KAT2B: variants seen among roughly 807,000 people sequenced by gnomAD.
KAT2B encodes lysine acetyltransferase 2B.
A neutral mutation model predicts 105.9 loss-of-function variants in KAT2B; 36 were observed. That is an observed-to-expected ratio of 0.34 (90% confidence interval 0.26 to 0.45). The LOEUF (loss-of-function observed/expected upper bound fraction) is 0.45, where lower values mean the gene tolerates loss of function less well. Among genes scored for constraint, KAT2B ranks in the 20% least tolerant of loss-of-function variants. The pLI is 1.00. For synonymous variants in KAT2B, 397 were observed against 377.9 expected (o/e 1.05, Z -0.59); for missense variants, 820 against 1,021.6 (o/e 0.80, Z 2.69).
intron 5 of KAT2B, 60 bp downstream of exon 5, chr3:20,101,528 G>T: frequency 1.4e-6 from 2 of 1,402,758 alleles, no homozygotes; most frequent in Non-Finnish European, 2.0e-6. Flanking sequence ...ACCTAAAATT[G>T]TACTTGACTC....
chr3:20,097,565 C>G (rs1698832938), intron 3 of KAT2B, among the ~76,000 whole-genome samples: 3 of 152,082 alleles, frequency 2.0e-5, no homozygotes, highest in African/African-American at 7.2e-5. Flanking sequence ...GAGACAGAAT[C>G]TTACTCTGTC....
intron 6 of KAT2B, among the ~76,000 whole-genome samples, chr3:20,112,777 C>T (rs1699143814): frequency 6.6e-6 from 1 of 152,158 alleles, no homozygotes; most frequent in Non-Finnish European, 1.5e-5. Context: ...TGATGAAACA[C>T]TGTTTTGTTT....
intron 5 of KAT2B, among the ~76,000 whole-genome samples, chr3:20,106,217 A>G (rs751903375): frequency 3.3e-5 from 5 of 152,250 alleles, no homozygotes; most frequent in Non-Finnish European, 7.3e-5. Context: ...TTTGAACAGT[A>G]AGAAAATAGC....
intron 2 of KAT2B, among the ~76,000 whole-genome samples, chr3:20,093,539 A>T (rs1422073783): frequency 6.6e-6 from 1 of 152,150 alleles, no homozygotes; most frequent in Non-Finnish European, 1.5e-5. Context: ...AGCATCCTCT[A>T]TCCCAGGCTT....
At chr3:20,123,379 A>G (rs62243138) in intron 9 of KAT2B, among the ~76,000 whole-genome samples, 29,782 of 152,190 alleles carry the variant, frequency 0.2, 3,149 homozygotes, top group East Asian at 0.32. Context: ...ATTTTCTAAT[A>G]CAGGGTTGGT....
intron 1 of KAT2B, among the ~76,000 whole-genome samples, chr3:20,058,453 CAAAAAAAAAAA>C (rs35239760): frequency 2.7e-5 from 2 of 74,550 alleles, no homozygotes; most frequent in African/African-American, 5.3e-5. Context: ...GACTCTGTCT[CAAAAAAAAAAA>C]AAAAAAAAAA....
intron 13 of KAT2B, among the ~76,000 whole-genome samples, chr3:20,146,013 A>C (rs2125196556): frequency 6.6e-6 from 1 of 152,302 alleles, no homozygotes; most frequent in African/African-American, 2.4e-5. Context: ...GAAGCAGGGC[A>C]AAATAATTGG....
At chr3:20,143,428 T>A (rs1699727892) in intron 13 of KAT2B, among the ~76,000 whole-genome samples, 1 of 152,190 alleles carries the variant, frequency 6.6e-6, no homozygotes, top group South Asian at 2.1e-4. Context: ...TTATACACTC[T>A]TGGTGGGAAT....
intron 2 of KAT2B, among the ~76,000 whole-genome samples, chr3:20,082,760 C>G (rs1400753080): frequency 6.6e-6 from 1 of 152,104 alleles, no homozygotes; most frequent in Non-Finnish European, 1.5e-5. Context: ...TTTCTACAAC[C>G]AAACCAAATA....
At chr3:20,063,816 C>T (rs1320128056) in intron 1 of KAT2B, among the ~76,000 whole-genome samples, 3 of 152,056 alleles carry the variant, frequency 2.0e-5, no homozygotes, top group African/African-American at 7.2e-5. Context: ...GCTGGGATTA[C>T]AGACGTGAGC....
intron 1 of KAT2B, among the ~76,000 whole-genome samples, chr3:20,063,820 C>T (rs944532896): frequency 3.9e-5 from 6 of 152,062 alleles, no homozygotes; most frequent in Admixed American, 6.6e-5. Context: ...GGATTACAGA[C>T]GTGAGCCACC....
intron 1 of KAT2B, among the ~76,000 whole-genome samples, chr3:20,052,932 C>T (rs145442589): frequency 1.5e-3 from 230 of 152,206 alleles, no homozygotes; most frequent in African/African-American, 5.2e-3. Flanking sequence ...GCTGAGATTG[C>T]GCCACTGCAC....
intron 11 of KAT2B, among the ~76,000 whole-genome samples, chr3:20,133,481 T>G (rs1699546447): frequency 6.6e-6 from 1 of 152,210 alleles, no homozygotes; most frequent in Non-Finnish European, 1.5e-5. Flanking sequence ...TTGCAGGAAT[T>G]TCTATTAATG....
At chr3:20,071,303 C>T (rs529120219) in intron 1 of KAT2B, among the ~76,000 whole-genome samples, 4 of 152,292 alleles carry the variant, frequency 2.6e-5, no homozygotes, top group Non-Finnish European at 4.4e-5. Context: ...GATGGCTCTA[C>T]CCTAGAGTGA....
chr3:20,053,706 T>C (rs1324286386), intron 1 of KAT2B, among the ~76,000 whole-genome samples: 4 of 152,260 alleles, frequency 2.6e-5, no homozygotes, highest in African/African-American at 9.6e-5. Context: ...CTACTATTTA[T>C]ATTTTTTGTT....
rs530985357 is a variant in KAT2B at position 20,138,246 on chromosome 3, C to T, written c.1860+1194C>T. Among the ~76,000 whole-genome samples the T allele has an allele frequency of 2.6e-5, 4 of 152,116 alleles. No homozygotes were observed. In the East Asian group the frequency reaches 5.8e-4, roughly 22 times the overall value. On this transcript the variant is annotated intron_variant, in intron 12 of 17. Transcript: ENST00000263754. ...CTGTTATTTTTCCTCTCAGCTCATA[C>T]CTATGCTGTTAATGCTTTGACATAA...
At chr3:20,067,894 C>T (rs370258989) in intron 1 of KAT2B, among the ~76,000 whole-genome samples, 6 of 152,090 alleles carry the variant, frequency 3.9e-5, no homozygotes, top group East Asian at 1.9e-4. Context: ...AGGCTGGTCT[C>T]GAACTCCTGA....
rs552569202 is a variant in KAT2B, at chr3:20,137,154, A to G, written c.1860+102A>G. On this transcript the variant is annotated intron_variant, in intron 12 of 17. Coordinates refer to ENST00000263754, the MANE Select transcript of KAT2B (RefSeq NM_003884.5). ...GTTTCTCCCCCAGTGTTTTCTACTT[A>G]TAAGAACAGGCATTTGTTTTACAAG... 7.6e-5 allele frequency: 50 copies of G among 656,820 alleles called. No homozygotes were observed. In the African/African-American group the frequency reaches 8.7e-4, roughly 11 times the overall value. 40.7% of individuals were successfully genotyped at this position (656,820 alleles called of 1,614,324 possible). A position where few individuals can be genotyped will look rare whatever the true frequency, so the allele number is the denominator to read the frequency against.
intron 4 of KAT2B, 36 bp downstream of exon 4, chr3:20,099,990 C>A: frequency 9.2e-7 from 1 of 1,087,554 alleles, no homozygotes; most frequent in Non-Finnish European, 1.4e-6. Context: ...TTTATTGGCT[C>A]AAGGCTGAAG....
Sources: gnomAD v4.1 joint callset for allele counts (sites outside exome capture counted in the v4.1 genomes callset) on GRCh38, gnomAD v4.1.1 for gene constraint, MANE v1.5 for transcripts, NCBI Gene and HGNC (gene_info 2026-07-23, HGNC 2026-07-21) for gene names.